FOXK1: variants seen among roughly 807,000 people sequenced by gnomAD.
The protein encoded by FOXK1 is forkhead box K1.
In FOXK1, 19 loss-of-function variants were observed where a neutral mutation model predicts 51.9. That is an observed-to-expected ratio of 0.37 (90% CI 0.26 to 0.54). FOXK1 has a LOEUF of 0.54. Among genes scored for constraint, FOXK1 ranks in the 20% least tolerant of loss-of-function variants. The pLI is 0.87. For missense variants in FOXK1, 870 were observed against 1,032.7 expected, an observed-to-expected ratio of 0.84 and a Z score of 2.16; for synonymous variants, 537 against 482.6, an observed-to-expected ratio of 1.11 and a Z score of -1.48.
At chr7:4,741,996 T>C (rs562453757) in intron 2 of FOXK1, among the ~76,000 whole-genome samples, 1 of 152,374 alleles carries the variant, frequency 6.6e-6, no homozygotes, top group African/African-American at 2.4e-5. Flanking sequence ...GATTTACCTC[T>C]TCATTGCGGA....
In FOXK1 at chr7:4,757,025, G is replaced by GT; in HGVS notation, c.1084dup (p.Tyr362LeufsTer25). 1 of 1,613,778 alleles carries GT rather than the reference G, an allele frequency of 6.2e-7. No homozygotes were observed. ...ATCCGGCACAACCTCTCTTTGAACC[G>GT]TTACTTTATCAAAGTCCCACGTTCC... On this transcript the variant is annotated frameshift_variant, in exon 5 of 9. Transcript: ENST00000328914. LOFTEE classifies it high-confidence loss of function.
At chr7:4,744,131 A>G (rs1001993256) in intron 2 of FOXK1, among the ~76,000 whole-genome samples, 2 of 152,228 alleles carry the variant, frequency 1.3e-5, no homozygotes, top group African/African-American at 4.8e-5. Context: ...GGCTTAAAAA[A>G]ATAAAACTAT....
chr7:4,727,025 G>T (rs1189285859), intron 1 of FOXK1, among the ~76,000 whole-genome samples: 1 of 152,084 alleles, frequency 6.6e-6, no homozygotes, highest in Non-Finnish European at 1.5e-5. Flanking sequence ...ACCCATTGCA[G>T]CCTTGAATTC....
rs146788794 is a variant in FOXK1 at position 4,714,424 on chromosome 7, G to A, written c.561-26414G>A. 2.9e-3 allele frequency among the ~76,000 whole-genome samples: 439 copies of A among 152,254 alleles called. 3 individuals are homozygous for A. Among genetic ancestry groups the A allele is most frequent in the African/African-American group, 1.0e-2 (415 of 41,554 alleles). On this transcript the variant is annotated intron_variant, in intron 1 of 8. Transcript: ENST00000328914. ...CTCCCGAGTAGCTGGGATTACAGGC[G>A]TGTGCCCCCATGCCCGGCTAATTTT... is the stretch of plus-strand genomic sequence containing the variant.
chr7:4,738,081 C>A (rs567953905), intron 1 of FOXK1, among the ~76,000 whole-genome samples: 1 of 149,728 alleles, frequency 6.7e-6, no homozygotes, highest in South Asian at 2.1e-4. Context: ...AAGATTGCGC[C>A]ATTGCACTCC....
rs572709674 is a variant in FOXK1, at chr7:4,746,527, T to A, written c.746+5504T>A. Reference sequence around the variant, plus strand: ...AGACCCCCATCTCTAAAAAAAAAAATTTTTTTGCTAATTAGCCAGGTGCAG... The same window carrying A: ...AGACCCCCATCTCTAAAAAAAAAAAATTTTTTGCTAATTAGCCAGGTGCAG... On this transcript the variant is annotated intron_variant, in intron 2 of 8. Transcript: ENST00000328914. Among the ~76,000 whole-genome samples the A allele has an allele frequency of 5.0e-3, 746 of 147,768 alleles. 12 individuals carry two copies. The highest frequency in any genetic ancestry group is 0.017 in the African/African-American group (712 of 40,828).
Position 4,763,685 on chromosome 7 carries a change from C to T in FOXK1, c.*1221C>T, listed in dbSNP as rs1780968885. ...CCAGCCAGTTGGGTGGTTCTGGGGT[C>T]CCTGAGGAAGCCCCCTCCTGCACTT... On this transcript the variant is annotated 3_prime_UTR_variant, in exon 9 of 9. Transcript: ENST00000328914. 6.6e-6 allele frequency: 1 copy of T among 152,322 alleles called. No homozygotes were observed. Among genetic ancestry groups the T allele is most frequent in the Admixed American group, 6.5e-5 (1 of 15,288 alleles). The allele number at this position is 152,322 out of a possible 1,614,324, so 9.4% of individuals were successfully genotyped here. A position where few individuals can be genotyped will look rare whatever the true frequency, so the allele number is the denominator to read the frequency against.
chr7:4,730,894 C>T lies in FOXK1; in HGVS notation c.561-9944C>T, dbSNP rs1055123801. On this transcript the variant is annotated intron_variant, in intron 1 of 8. Transcript: ENST00000328914. The surrounding 1 kb of genome is among the most constrained non-coding windows in gnomAD (Gnocchi z 4.7). ...CAAAACCATTTCCTGAGGATGGGCG[C>T]GGTGGCTCACTCCTGCAATCCCAGC... is the stretch of plus-strand genomic sequence containing the variant. Among the ~76,000 whole-genome samples, 2 of 152,118 alleles carry T rather than the reference C, an allele frequency of 1.3e-5. No homozygotes were observed. Among genetic ancestry groups the T allele is most frequent in the Admixed American group, 6.5e-5 (1 of 15,272 alleles).
Position 4,733,814 on chromosome 7 carries a change from G to T in FOXK1, c.561-7024G>T, listed in dbSNP as rs1207346384. On this transcript the variant is annotated intron_variant, in intron 1 of 8. Coordinates refer to ENST00000328914, the MANE Select transcript of FOXK1 (RefSeq NM_001037165.2). This position sits in a 1 kb window ranked among gnomAD's most constrained non-coding sequence, Gnocchi z 5.0. Reference sequence around the variant, plus strand: ...TGCTCTGAGGTCCCCGAAGCTGCAGGCTGGGTGGGACGGTGGGAGCCTTTC... The same window carrying T: ...TGCTCTGAGGTCCCCGAAGCTGCAGTCTGGGTGGGACGGTGGGAGCCTTTC... Among the ~76,000 whole-genome samples the T allele has an allele frequency of 6.6e-6, 1 of 152,344 alleles. No individual in the cohort carries two copies. Among genetic ancestry groups the T allele is most frequent in the African/African-American group, 2.4e-5 (1 of 41,580 alleles).
chr7:4,682,510 G>A lies in FOXK1; in HGVS notation c.202G>A (p.Ala68Thr), dbSNP rs574086514. 4,113 of 1,060,508 alleles carry A rather than the reference G, an allele frequency of 3.9e-3. 132 individuals are homozygous for A. In the African/African-American group the frequency reaches 0.065, roughly 17 times the overall value. 65.7% of individuals were successfully genotyped at this position (1,060,508 alleles called of 1,614,324 possible). Residue 68 changes from alanine to threonine, a missense_variant, in exon 1 of 9, where the codon GCG becomes ACG. By Grantham distance (58) the Ala-to-Thr change is moderately conservative. Coordinates refer to ENST00000328914, the MANE Select transcript of FOXK1 (RefSeq NM_001037165.2). The surrounding 1 kb of genome is among the most constrained non-coding windows in gnomAD (Gnocchi z 7.6). ...GCTGCCTCCGGGCGCGATCGCGGGC[G>A]CGGGCTCCTCCGGGGGCTCCTCCGG... Reference protein sequence around the residue: ...PPLPPGAIAGAGSSGGSSGVS... With the variant: ...PPLPPGAIAGTGSSGGSSGVS...
intron 1 of FOXK1, among the ~76,000 whole-genome samples, chr7:4,721,139 C>A (rs539100569): frequency 6.6e-6 from 1 of 152,244 alleles, no homozygotes; most frequent in Non-Finnish European, 1.5e-5. Context: ...GAGTCAGCAG[C>A]CTCCCTCTGT....
chr7:4,710,674 C>T (rs1164317554), intron 1 of FOXK1, among the ~76,000 whole-genome samples: 1 of 152,038 alleles, frequency 6.6e-6, no homozygotes, highest in African/African-American at 2.4e-5. Context: ...CTTGTGGGAC[C>T]ACAAGGGCAT....
Position 4,729,984 on chromosome 7 carries a change from T to C in FOXK1, c.561-10854T>C. Among the ~76,000 whole-genome samples, 1 of 152,028 alleles carries C rather than the reference T, an allele frequency of 6.6e-6. No homozygotes were observed. The highest frequency in any genetic ancestry group is 6.6e-5 in the Admixed American group (1 of 15,258). On this transcript the variant is annotated intron_variant, in intron 1 of 8. Coordinates refer to ENST00000328914, the MANE Select transcript of FOXK1 (RefSeq NM_001037165.2). The surrounding 1 kb of genome is among the most constrained non-coding windows in gnomAD (Gnocchi z 6.2). ...CAGCCTGGGCGACAGAGCGAGACTC[T>C]GTCGAAACAATTTAAATAAAAAAAA... is the stretch of plus-strand genomic sequence containing the variant.
Position 4,769,742 on chromosome 7 carries a change from C to CT in FOXK1, c.*7279dup. ...AGGCATGAGCCACCGCGCCTGGCCT[C>CT]TGTCACTTTTTTTGCTCCTTACCCA... is the stretch of plus-strand genomic sequence containing the variant. On this transcript the variant is annotated 3_prime_UTR_variant, in exon 9 of 9. Coordinates refer to ENST00000328914, the MANE Select transcript of FOXK1 (RefSeq NM_001037165.2). This position sits in a 1 kb window ranked among gnomAD's most constrained non-coding sequence, Gnocchi z 4.1. 6.6e-6 allele frequency: 1 copy of CT among 152,352 alleles called. No homozygotes were observed. The highest frequency in any genetic ancestry group is 6.5e-5 in the Admixed American group (1 of 15,288). 9.4% of individuals were successfully genotyped at this position (152,352 alleles called of 1,614,324 possible).
chr7:4,690,658 C>A (rs1181314109), intron 1 of FOXK1, among the ~76,000 whole-genome samples: 2 of 152,168 alleles, frequency 1.3e-5, no homozygotes, highest in African/African-American at 2.4e-5. Flanking sequence ...AAGCCTTTGT[C>A]ATACTGATGG....
chr7:4,719,401 A>G (rs905061856), intron 1 of FOXK1, among the ~76,000 whole-genome samples: 2 of 152,074 alleles, frequency 1.3e-5, no homozygotes, highest in African/African-American at 4.8e-5. Context: ...CTGCCTCCCA[A>G]CGTGCTGGGA....
chr7:4,743,255 C>T lies in FOXK1; in HGVS notation c.746+2232C>T, dbSNP rs1780658390. Among the ~76,000 whole-genome samples the T allele has an allele frequency of 6.6e-6, 1 of 152,184 alleles. No individual in the cohort carries two copies. Among genetic ancestry groups the T allele is most frequent in the Non-Finnish European group, 1.5e-5 (1 of 68,046 alleles). Reference sequence around the variant, plus strand: ...AATTTTGTGAATATCCTAAAAGTCACTTTAAAGAGTGAACTGGCCGGGCGC... The same window carrying T: ...AATTTTGTGAATATCCTAAAAGTCATTTTAAAGAGTGAACTGGCCGGGCGC... On this transcript the variant is annotated intron_variant, in intron 2 of 8. Coordinates refer to ENST00000328914, the MANE Select transcript of FOXK1 (RefSeq NM_001037165.2). This position sits in a 1 kb window ranked among gnomAD's most constrained non-coding sequence, Gnocchi z 5.3.
intron 1 of FOXK1, among the ~76,000 whole-genome samples, chr7:4,698,138 A>G (rs1779976493): frequency 6.6e-6 from 1 of 151,912 alleles, no homozygotes; most frequent in Non-Finnish European, 1.5e-5. Context: ...ATTTGTTATT[A>G]AAATTTTACG....
In FOXK1 at chr7:4,765,893, G is replaced by C. The variant is rs1781003769; in HGVS notation, c.*3429G>C. ...CCTGGGAAGTGGGGAAGCAGGGCCTGAGCGTCCCCAGGCTGCTAGGGCAGC... is the reference window on the plus strand; with the variant it reads ...CCTGGGAAGTGGGGAAGCAGGGCCTCAGCGTCCCCAGGCTGCTAGGGCAGC... On this transcript the variant is annotated 3_prime_UTR_variant, in exon 9 of 9. Coordinates refer to ENST00000328914, the MANE Select transcript of FOXK1 (RefSeq NM_001037165.2). 1 of 152,206 alleles carries C rather than the reference G, an allele frequency of 6.6e-6. No individual in the cohort carries two copies. The highest frequency in any genetic ancestry group is 6.5e-5 in the Admixed American group (1 of 15,276). 9.4% of individuals were successfully genotyped at this position (152,206 alleles called of 1,614,324 possible).
Sources: allele counts gnomAD v4.1 joint callset (sites outside exome capture counted in the v4.1 genomes callset), GRCh38; gene constraint gnomAD v4.1.1; non-coding constraint Gnocchi (gnomAD v3.1); transcripts MANE v1.5; gene names NCBI Gene and HGNC (gene_info 2026-07-23, HGNC 2026-07-21).